Variants in TPD52 observed in about 807,000 individuals in gnomAD.
TPD52 encodes prostate and colon associated protein.
TPD52 carries 17 observed loss-of-function variants against 31.3 expected under a neutral mutation model. The observed-to-expected ratio is 0.54, with a 90% confidence interval of 0.37 to 0.82. The LOEUF is 0.82. TPD52 is among the 40% of genes least tolerant of loss of function. The pLI, the probability that TPD52 is intolerant of heterozygous loss-of-function variation, is 0.00. For synonymous variants in TPD52, 83 were observed against 89.6 expected (o/e 0.93, Z 0.42); for missense variants, 212 against 240.1 (o/e 0.88, Z 0.77).
intron 2 of TPD52, among the ~76,000 whole-genome samples, chr8:80,060,144 CG>C (rs201617938): frequency 2.9e-5 from 4 of 135,808 alleles, no homozygotes; most frequent in African/African-American, 5.6e-5. Context: ...CTAGACTGAC[CG>C]AAAAAAAAAA....
intron 1 of TPD52, among the ~76,000 whole-genome samples, chr8:80,156,602 C>A (rs1810988977): frequency 6.6e-6 from 1 of 151,988 alleles, no homozygotes; most frequent in Admixed American, 6.6e-5. Flanking sequence ...GTTTAGGAGA[C>A]CTGAGGACGT....
intron 3 of TPD52, among the ~76,000 whole-genome samples, chr8:80,052,072 G>T (rs558569010): frequency 5.3e-5 from 8 of 152,146 alleles, no homozygotes; most frequent in Non-Finnish European, 1.2e-4. Flanking sequence ...AGTAGCTGGC[G>T]TAAGTAGGAC....
intron 1 of TPD52, among the ~76,000 whole-genome samples, chr8:80,111,889 T>C (rs1807520613): frequency 2.6e-5 from 4 of 152,222 alleles, no homozygotes; most frequent in Non-Finnish European, 4.4e-5. Flanking sequence ...ACTTACATCA[T>C]AGGGTTGTTG....
intron 3 of TPD52, chr8:80,053,016 G>C (rs1811524258): frequency 6.8e-6 from 2 of 295,386 alleles, no homozygotes; most frequent in African/African-American, 2.2e-5. Flanking sequence ...CATATTTGTG[G>C]CAAGTCAATA....
intron 5 of TPD52, among the ~76,000 whole-genome samples, chr8:80,048,759 G>A (rs1811102797): frequency 6.6e-6 from 1 of 152,090 alleles, no homozygotes; most frequent in Admixed American, 6.5e-5. Context: ...GAATTACAAA[G>A]TTTAACTTTC....
chr8:80,096,291 A>ACACAC (rs1816732343), intron 1 of TPD52, among the ~76,000 whole-genome samples: 1 of 146,814 alleles, frequency 6.8e-6, no homozygotes, highest in Non-Finnish European at 1.5e-5. Context: ...CACACACACA[A>ACACAC]ACACACACAC....
At chr8:80,146,088 A>T (rs12547017) in intron 1 of TPD52, among the ~76,000 whole-genome samples, 77,478 of 152,062 alleles carry the variant, frequency 0.51, 20,244 homozygotes, top group East Asian at 0.79. Flanking sequence ...CCTAACACAC[A>T]TCACTGTGCA....
chr8:80,097,123 T>C (rs1229409267), intron 1 of TPD52, among the ~76,000 whole-genome samples: 1 of 106,482 alleles, frequency 9.4e-6, no homozygotes, highest in Non-Finnish European at 1.8e-5. Context: ...ATGCTCTGGA[T>C]AGAAGTTCAA....
chr8:80,138,202 C>T (rs1809572886), intron 1 of TPD52, among the ~76,000 whole-genome samples: 1 of 152,274 alleles, frequency 6.6e-6, no homozygotes, highest in East Asian at 1.9e-4. Context: ...CTCAGCCTCC[C>T]AAAGTGCTGA....
intron 1 of TPD52, among the ~76,000 whole-genome samples, chr8:80,135,717 G>A (rs1164373377): frequency 1.3e-5 from 2 of 149,642 alleles, no homozygotes; most frequent in East Asian, 3.9e-4. Flanking sequence ...CAATAGTAAA[G>A]ACTTGGAACC....
rs1211836496 is a variant in TPD52 at position 80,072,356 on chromosome 8, TATATAC to T, written c.20-7769_20-7764del. Reference sequence around the variant, plus strand: ...GTGTGTGTGTGTGTGTGTATGTGTGTATATACATGTACACATAGATATGCGTGTATA... The same window carrying T: ...GTGTGTGTGTGTGTGTGTATGTGTGTATGTACACATAGATATGCGTGTATA... On this transcript the variant is annotated intron_variant, in intron 1 of 7. Transcript: ENST00000518937. 4.0e-3 allele frequency among the ~76,000 whole-genome samples: 598 copies of T among 151,054 alleles called. 25 individuals carry two copies. The highest frequency in any genetic ancestry group is 0.014 in the African/African-American group (559 of 40,768).
At chr8:80,158,244 A>C in intron 1 of TPD52, among the ~76,000 whole-genome samples, 1 of 149,422 alleles carries the variant, frequency 6.7e-6, no homozygotes, top group African/African-American at 2.5e-5. Context: ...CAGCCCTCCC[A>C]TTCTCCTCCT....
chr8:80,148,338 G>GTT (rs886293395), intron 1 of TPD52, among the ~76,000 whole-genome samples: 36 of 151,454 alleles, frequency 2.4e-4, no homozygotes, highest in Non-Finnish European at 3.2e-4. Flanking sequence ...GTGTGTGTGT[G>GTT]TGTGTGTACA....
chr8:80,134,996 G>C (rs1228306275), intron 1 of TPD52, among the ~76,000 whole-genome samples: 4 of 152,196 alleles, frequency 2.6e-5, no homozygotes, highest in African/African-American at 9.7e-5. Flanking sequence ...AAGCTGACAA[G>C]AACTGGGATC....
At position 80,036,924 on chromosome 8, in the gene TPD52, A is replaced by G. The variant is rs1331459713; in HGVS notation, c.*1192T>C. On this transcript the variant is annotated 3_prime_UTR_variant, in exon 8 of 8. Transcript: ENST00000518937. Reference sequence around the variant, plus strand: ...AAGGAAAAGGTGGTAGTGTTGAGTAAGCAGTTATTAGAATAGAATACCTTG... The same window carrying G: ...AAGGAAAAGGTGGTAGTGTTGAGTAGGCAGTTATTAGAATAGAATACCTTG... The G allele has an allele frequency of 6.6e-6, 1 of 152,318 alleles. No individual in the cohort carries two copies. The allele number at this position is 152,318 out of a possible 1,614,324, so 9.4% of individuals were successfully genotyped here.
At chr8:80,087,736 ATCAT>A (rs889709567) in intron 1 of TPD52, among the ~76,000 whole-genome samples, 4 of 152,074 alleles carry the variant, frequency 2.6e-5, no homozygotes, top group Non-Finnish European at 4.4e-5. Context: ...AAGTCTCCCC[ATCAT>A]ATCCCATGCT....
intron 1 of TPD52, among the ~76,000 whole-genome samples, chr8:80,103,947 G>A (rs1237682172): frequency 6.6e-6 from 1 of 152,220 alleles, no homozygotes; most frequent in African/African-American, 2.4e-5. Context: ...ACTTAAGAGT[G>A]TATGTGTATT....
At chr8:80,171,384 GTCCAAGC>G in intron 1 of TPD52, 34 bp downstream of exon 1, 1 of 1,586,228 alleles carries the variant, frequency 6.3e-7, no homozygotes, top group East Asian at 2.2e-5. Flanking sequence ...CCAAGCCCGA[GTCCAAGC>G]CCGAGCCCAA....
At chr8:80,131,237 C>T (rs1230938162) in intron 1 of TPD52, among the ~76,000 whole-genome samples, 2 of 152,192 alleles carry the variant, frequency 1.3e-5, no homozygotes, top group Non-Finnish European at 2.9e-5. Context: ...AATGGCTAAG[C>T]TACTTGAAAG....
Sources: gnomAD v4.1 joint callset for allele counts (sites outside exome capture counted in the v4.1 genomes callset) on GRCh38, gnomAD v4.1.1 for gene constraint, MANE v1.5 for transcripts, NCBI Gene and HGNC (gene_info 2026-07-23, HGNC 2026-07-21) for gene names.